The following FER1L5 variants were observed in gnomAD, a reference collection of about 807,000 sequenced individuals.
The protein encoded by FER1L5 is fer-1 like family member 5.
A neutral mutation model predicts 279.9 loss-of-function variants in FER1L5; 187 were observed. The observed-to-expected ratio is 0.67, with a 90% confidence interval of 0.59 to 0.75. FER1L5 has a LOEUF of 0.75. Ranked by LOEUF, FER1L5 falls within the 30% of genes least tolerant of loss-of-function variation. FER1L5 has a pLI of 0.00. For missense variants in FER1L5, 2,091 were observed against 2,594.4 expected (o/e 0.81, Z 4.21); for synonymous variants, 921 against 989.7 (o/e 0.93, Z 1.30).
chr2:96,682,265 T>C (rs1237963196), intron 19 of FER1L5, among the ~76,000 whole-genome samples: 1 of 152,182 alleles, frequency 6.6e-6, no homozygotes, highest in Non-Finnish European at 1.5e-5. Context: ...TCTTTTTTTA[T>C]ATTTTTAGTA....
chr2:96,660,448 A>T, intron 10 of FER1L5, 77 bp downstream of exon 10: 1 of 1,371,326 alleles, frequency 7.3e-7, no homozygotes, highest in South Asian at 1.2e-5. Context: ...TAAAATCCCC[A>T]TATGTCCAAC....
intron 19 of FER1L5, among the ~76,000 whole-genome samples, chr2:96,682,327 G>A (rs1199895806): frequency 2.6e-5 from 4 of 152,192 alleles, no homozygotes; most frequent in African/African-American, 9.7e-5. Context: ...CCAGACCTCA[G>A]GTGATCCTCC....
chr2:96,672,660 ATGTGTGTGTG>A (rs140636948), intron 18 of FER1L5, among the ~76,000 whole-genome samples: 6 of 148,174 alleles, frequency 4.0e-5, no homozygotes, highest in African/African-American at 9.9e-5. Context: ...GGGAGTATGA[ATGTGTGTGTG>A]TGTGTGTGTG....
intron 32 of FER1L5, 50 bp downstream of exon 32, chr2:96,693,737 G>A: frequency 6.6e-7 from 1 of 1,520,920 alleles, no homozygotes; most frequent in Non-Finnish European, 8.8e-7. Context: ...CTCACAGAGT[G>A]GCTGAGGGGA....
At chr2:96,696,012 T>C in intron 36 of FER1L5, 40 bp from the exon 37 acceptor site, 1 of 1,613,278 alleles carries the variant, frequency 6.2e-7, no homozygotes, top group Non-Finnish European at 8.5e-7. Flanking sequence ...CTCAGCCCTC[T>C]CCCCATCCTG....
At chr2:96,644,499 AAG>A (rs923448616) in intron 1 of FER1L5, among the ~76,000 whole-genome samples, 8 of 150,022 alleles carry the variant, frequency 5.3e-5, no homozygotes, top group African/African-American at 7.3e-5. Context: ...GAAAGAGAGA[AAG>A]AGAGAGAGAG....
At chr2:96,659,281 T>TCC (rs2075728486) in intron 9 of FER1L5, among the ~76,000 whole-genome samples, 1 of 131,974 alleles carries the variant, frequency 7.6e-6, no homozygotes, top group African/African-American at 2.9e-5. Context: ...GAAGTCCAAT[T>TCC]TATCAAGCTT....
intron 19 of FER1L5, among the ~76,000 whole-genome samples, chr2:96,674,142 A>C: frequency 6.6e-6 from 1 of 152,230 alleles, no homozygotes; most frequent in East Asian, 1.9e-4. Flanking sequence ...CCGGAAAAGG[A>C]ACCCTATGCC....
chr2:96,643,869 TA>T (rs2074995663), intron 1 of FER1L5, among the ~76,000 whole-genome samples: 1 of 149,326 alleles, frequency 6.7e-6, no homozygotes, highest in East Asian at 2.0e-4. Flanking sequence ...AGGAAAGAAG[TA>T]AAAGAAAAAA....
At chr2:96,680,569 G>A (rs1050726771) in intron 19 of FER1L5, among the ~76,000 whole-genome samples, 3 of 149,866 alleles carry the variant, frequency 2.0e-5, no homozygotes, top group South Asian at 4.2e-4. Context: ...TAAATTACTC[G>A]GCATCTCCCT....
At chr2:96,697,159 C>T (rs1298624674) in intron 37 of FER1L5, among the ~76,000 whole-genome samples, 1 of 152,204 alleles carries the variant, frequency 6.6e-6, no homozygotes, top group Non-Finnish European at 1.5e-5. Flanking sequence ...GGGTCCCCAA[C>T]TATTGCTCTA....
chr2:96,702,095 C>T lies in FER1L5; in HGVS notation c.5159+52C>T. On this transcript the variant is annotated intron_variant, in intron 46 of 52. Transcript: ENST00000624922. This position sits in a 1 kb window ranked among gnomAD's most constrained non-coding sequence, Gnocchi z 4.0. ...CTGCATTTCACAGTTCAGAACTCCCCCAGTGCAGGGCACCACTGTCCTCAG... is the reference window on the plus strand; with the variant it reads ...CTGCATTTCACAGTTCAGAACTCCCTCAGTGCAGGGCACCACTGTCCTCAG... 6.3e-7 allele frequency: 1 copy of T among 1,598,572 alleles called. No individual in the cohort carries two copies. The highest frequency in any genetic ancestry group is 2.2e-5 in the East Asian group (1 of 44,720).
At chr2:96,646,584 G>A in intron 2 of FER1L5, 131 bp downstream of exon 2, 1 of 950,236 alleles carries the variant, frequency 1.1e-6, no homozygotes, top group South Asian at 1.6e-5. Context: ...TCAAGGCTGG[G>A]CATCTTGGCC....
chr2:96,685,520 C>G lies in FER1L5; in HGVS notation c.1895+91C>G, dbSNP rs570266509. ...CAGCGCAGTGCCCTGAACACCTCCC[C>G]CCGCCCTCCTCGGGGAGGAGCACTG... On this transcript the variant is annotated intron_variant, in intron 21 of 52. Coordinates refer to ENST00000624922, the MANE Select transcript of FER1L5 (RefSeq NM_001293083.2). 3.2e-5 allele frequency: 35 copies of G among 1,093,400 alleles called. No homozygotes were observed. In the African/African-American group the frequency reaches 5.4e-4, roughly 17 times the overall value. 67.7% of individuals were successfully genotyped at this position (1,093,400 alleles called of 1,614,324 possible).
chr2:96,692,330 C>T (rs2077185171), intron 31 of FER1L5, 149 bp downstream of exon 31: 1 of 822,478 alleles, frequency 1.2e-6, no homozygotes, highest in African/African-American at 1.7e-5. Context: ...AAGCCTTGTC[C>T]CTGGGTCCTG....
At chr2:96,685,281 G>A in intron 20 of FER1L5, 48 bp from the exon 21 acceptor site, 2 of 1,513,574 alleles carry the variant, frequency 1.3e-6, no homozygotes, top group Non-Finnish European at 1.8e-6. Context: ...GTCCAGCTGG[G>A]CTCCATGCTG....
intron 14 of FER1L5, among the ~76,000 whole-genome samples, chr2:96,664,850 T>G (rs1229684247): frequency 6.6e-6 from 1 of 152,248 alleles, no homozygotes; most frequent in African/African-American, 2.4e-5. Flanking sequence ...TAATATACAT[T>G]TTCTTATCTT....
chr2:96,703,059 TCCC>T lies in FER1L5; in HGVS notation c.5482_5484del (p.Pro1828del), dbSNP rs2077650665. 1 of 1,613,498 alleles carries T rather than the reference TCCC, an allele frequency of 6.2e-7. No homozygotes were observed. Among genetic ancestry groups the T allele is most frequent in the Non-Finnish European group, 8.5e-7 (1 of 1,179,740 alleles). ...CCAGGTCTGGGACAATGACATCTTC[TCCC>T]CCGACGACTTCCTAGGTGAGGTCCT... On this transcript the variant is annotated inframe_deletion, in exon 49 of 53. Transcript: ENST00000624922.
At position 96,663,515 on chromosome 2, in the gene FER1L5, T is replaced by C; in HGVS notation, c.1140+8T>C. Reference sequence around the variant, plus strand: ...CTGACCTTCCGGATTCAGGTATGGCTCCTCCATCATGCCCACCCTTCTCCC... The same window carrying C: ...CTGACCTTCCGGATTCAGGTATGGCCCCTCCATCATGCCCACCCTTCTCCC... On this transcript the variant is annotated splice_region_variant and intron_variant, in intron 14 of 52. Coordinates refer to ENST00000624922, the MANE Select transcript of FER1L5 (RefSeq NM_001293083.2). The C allele has an allele frequency of 6.4e-7, 1 of 1,551,340 alleles. No individual in the cohort carries two copies. Among genetic ancestry groups the C allele is most frequent in the South Asian group, 1.2e-5 (1 of 84,052 alleles).
Sources: gnomAD v4.1 joint callset for allele counts (sites outside exome capture counted in the v4.1 genomes callset) on GRCh38, gnomAD v4.1.1 for gene constraint, Gnocchi (gnomAD v3.1) non-coding constraint, MANE v1.5 for transcripts, NCBI Gene and HGNC (gene_info 2026-07-23, HGNC 2026-07-21) for gene names.